The following PLXNA4 variants were observed in gnomAD, a reference collection of about 807,000 sequenced individuals.
The protein encoded by PLXNA4 is plexin-A4.
Under a neutral mutation model 191.8 loss-of-function variants are expected in PLXNA4, and 44 were observed. The observed-to-expected ratio is 0.23, with a 90% CI of 0.18 to 0.29. The LOEUF is 0.29. Ranked by LOEUF, PLXNA4 falls within the 10% of genes least tolerant of loss-of-function variation. The pLI is 1.00. For missense variants in PLXNA4, 1,800 were observed against 2,488.8 expected (o/e 0.72, Z 5.89); for synonymous variants, 1,082 against 1,009.5 (o/e 1.07, Z -1.36).
At chr7:132,384,258 A>C (rs746103941) in intron 3 of PLXNA4, 22 of 985,322 alleles carry the variant, frequency 2.2e-5, no homozygotes, top group Non-Finnish European at 2.5e-5. Flanking sequence ...AATCTACAGC[A>C]CTTTCACTTG....
At chr7:132,349,149 AT>A (rs145607340) in intron 3 of PLXNA4, among the ~76,000 whole-genome samples, 5,445 of 152,128 alleles carry the variant, frequency 0.036, 155 homozygotes, top group Middle Eastern at 0.071. Flanking sequence ...TTCTTGAAAG[AT>A]TTTTTTTAAA....
At chr7:132,644,764 A>C (rs929821057) in intron 2 of PLXNA4, among the ~76,000 whole-genome samples, 71 of 152,308 alleles carry the variant, frequency 4.7e-4, no homozygotes, top group African/African-American at 1.7e-3. Flanking sequence ...CCCGTCCAAA[A>C]TTAATGATGA....
intron 14 of PLXNA4, among the ~76,000 whole-genome samples, chr7:132,188,700 T>G (rs958309115): frequency 6.6e-5 from 10 of 152,136 alleles, no homozygotes; most frequent in Middle Eastern, 3.4e-3. Context: ...GCTTGTCATT[T>G]TGGCTCAACC....
intron 3 of PLXNA4, among the ~76,000 whole-genome samples, chr7:132,410,310 T>G (rs183821760): frequency 1.6e-3 from 247 of 151,246 alleles, no homozygotes; most frequent in Non-Finnish European, 2.7e-3. Context: ...GTGCCTTCCA[T>G]CTGAGCTTCT....
At chr7:132,209,844 C>G (rs548218523) in intron 10 of PLXNA4, among the ~76,000 whole-genome samples, 2 of 152,158 alleles carry the variant, frequency 1.3e-5, no homozygotes, top group African/African-American at 4.8e-5. Context: ...GAGGGGTCCT[C>G]AAATCCAGAC....
At chr7:132,477,632 G>A (rs1797183277) in intron 3 of PLXNA4, among the ~76,000 whole-genome samples, 1 of 152,176 alleles carries the variant, frequency 6.6e-6, no homozygotes, top group African/African-American at 2.4e-5. Flanking sequence ...AAGACCCTAA[G>A]CCCCAGTGGT....
chr7:132,315,681 T>G (rs1263925987), intron 3 of PLXNA4, among the ~76,000 whole-genome samples: 1 of 152,204 alleles, frequency 6.6e-6, no homozygotes, highest in Non-Finnish European at 1.5e-5. Flanking sequence ...TCTGTTCTGG[T>G]GGCCATGGAG....
At chr7:132,194,552 G>A (rs1797194556) in intron 13 of PLXNA4, among the ~76,000 whole-genome samples, 1 of 152,138 alleles carries the variant, frequency 6.6e-6, no homozygotes, top group African/African-American at 2.4e-5. Flanking sequence ...CTTACCCAAG[G>A]GCTGCAGCAA....
chr7:132,324,538 T>C (rs1673894778), intron 3 of PLXNA4, among the ~76,000 whole-genome samples: 1 of 152,198 alleles, frequency 6.6e-6, no homozygotes, highest in African/African-American at 2.4e-5. Flanking sequence ...TTAATCTGAA[T>C]GGCTATTATA....
chr7:132,131,508 G>A lies in PLXNA4; in HGVS notation c.5590-934C>T, dbSNP rs566268132. Among the ~76,000 whole-genome samples, 5 of 152,218 alleles carry A rather than the reference G, an allele frequency of 3.3e-5. No homozygotes were observed. The East Asian group carries it at 7.8e-4, about 24-fold the overall frequency. Reference sequence around the variant, plus strand: ...GTAGTTTGAGGGGCAGGGAAAAGAAGGGAGGGCAAGGAGATGAGAAGGAGG... The same window carrying A: ...GTAGTTTGAGGGGCAGGGAAAAGAAAGGAGGGCAAGGAGATGAGAAGGAGG... On this transcript the variant is annotated intron_variant, in intron 31 of 31. Transcript: ENST00000321063.
chr7:132,521,928 G>T (rs914022889), intron 1 of PLXNA4, among the ~76,000 whole-genome samples: 4 of 152,200 alleles, frequency 2.6e-5, no homozygotes, highest in African/African-American at 7.2e-5. Flanking sequence ...ACAGAAAGGA[G>T]CATGTTGGTA....
At chr7:132,596,956 T>A (rs556640963) in intron 2 of PLXNA4, among the ~76,000 whole-genome samples, 1 of 152,174 alleles carries the variant, frequency 6.6e-6, no homozygotes, top group South Asian at 2.1e-4. Flanking sequence ...TATTACTAAT[T>A]GATTGGTTCT....
chr7:132,589,445 A>G (rs1349744035), intron 2 of PLXNA4, among the ~76,000 whole-genome samples: 2 of 152,222 alleles, frequency 1.3e-5, no homozygotes, highest in Admixed American at 1.3e-4. Context: ...TTTAAATTAT[A>G]GAAAGTTGAT....
chr7:132,175,810 T>G (rs1367300355), intron 20 of PLXNA4, among the ~76,000 whole-genome samples: 2 of 152,236 alleles, frequency 1.3e-5, no homozygotes, highest in Admixed American at 6.5e-5. Context: ...CACACACATA[T>G]ACGTGCATGC....
At chr7:132,452,270 C>A (rs1444130784) in intron 3 of PLXNA4, among the ~76,000 whole-genome samples, 2 of 152,190 alleles carry the variant, frequency 1.3e-5, no homozygotes, top group Non-Finnish European at 2.9e-5. Flanking sequence ...ATCGTTCCAG[C>A]ATGGAGAGAT....
intron 3 of PLXNA4, among the ~76,000 whole-genome samples, chr7:132,358,774 T>C (rs1585032582): frequency 6.6e-6 from 1 of 152,204 alleles, no homozygotes; most frequent in Non-Finnish European, 1.5e-5. Context: ...AATGCAGTTA[T>C]GAGCGAGTAT....
At chr7:132,148,432 A>G in intron 26 of PLXNA4, 111 bp downstream of exon 26, 3 of 1,462,200 alleles carry the variant, frequency 2.1e-6, no homozygotes, top group Non-Finnish European at 2.8e-6. Context: ...CTAAGGGAAC[A>G]TGGAGTGCTG....
At chr7:132,582,347 G>A (rs546278222) in intron 2 of PLXNA4, among the ~76,000 whole-genome samples, 1 of 152,280 alleles carries the variant, frequency 6.6e-6, no homozygotes, top group Admixed American at 6.5e-5. Flanking sequence ...TGGTTGCCAG[G>A]TGGTCTGAGT....
At position 132,553,226 on chromosome 7, in the gene PLXNA4, G is replaced by A. The variant is rs76711958; in HGVS notation, c.-87+23196C>T. On this transcript the variant is annotated intron_variant, in intron 1 of 31. Coordinates refer to ENST00000321063, the MANE Select transcript of PLXNA4 (RefSeq NM_020911.2). Reference sequence around the variant, plus strand: ...TGGCCTGCAACCTGCTCACCCTGAGGTCAGCATTTCCTGGAATGACAGGGA... The same window carrying A: ...TGGCCTGCAACCTGCTCACCCTGAGATCAGCATTTCCTGGAATGACAGGGA... 7.3e-3 allele frequency among the ~76,000 whole-genome samples: 1,115 copies of A among 152,322 alleles called. 13 individuals carry two copies. The highest frequency in any genetic ancestry group is 0.025 in the African/African-American group (1,058 of 41,572).
Sources: gnomAD v4.1 joint callset for allele counts (sites outside exome capture counted in the v4.1 genomes callset) on GRCh38, gnomAD v4.1.1 for gene constraint, MANE v1.5 for transcripts, NCBI Gene and HGNC (gene_info 2026-07-23, HGNC 2026-07-21) for gene names.